The following ADD3 variants were observed in gnomAD, a reference collection of about 807,000 sequenced individuals.
ADD3 encodes gamma-adducin.
In ADD3, 25 loss-of-function variants were observed where a neutral mutation model predicts 80.2. The observed-to-expected ratio is 0.31, with a 90% CI of 0.23 to 0.44. ADD3 has a LOEUF of 0.44. Among genes scored for constraint, ADD3 ranks in the 20% least tolerant of loss-of-function variants. ADD3 has a pLI of 1.00. For synonymous variants in ADD3, 284 were observed against 289.6 expected (o/e 0.98, Z 0.20); for missense variants, 829 against 847.5 (o/e 0.98, Z 0.27).
intron 1 of ADD3, among the ~76,000 whole-genome samples, chr10:110,041,067 G>A (rs930211336): frequency 2.6e-5 from 4 of 151,054 alleles, no homozygotes; most frequent in Non-Finnish European, 4.4e-5. Flanking sequence ...TATCTCCCTC[G>A]CTGTCTCTCT....
intron 12 of ADD3, among the ~76,000 whole-genome samples, chr10:110,129,069 C>T (rs1306405254): frequency 2.6e-5 from 4 of 151,816 alleles, no homozygotes; most frequent in East Asian, 3.9e-4. Flanking sequence ...CTCCAGTCTC[C>T]TGCCAGTTTC....
intron 1 of ADD3, among the ~76,000 whole-genome samples, chr10:110,022,383 C>A (rs1201373789): frequency 6.6e-6 from 1 of 151,910 alleles, no homozygotes; most frequent in Non-Finnish European, 1.5e-5. Context: ...AAAAACAGAA[C>A]CATCAAAGAG....
chr10:110,055,988 C>T (rs972496081), intron 1 of ADD3, among the ~76,000 whole-genome samples: 6 of 152,158 alleles, frequency 3.9e-5, no homozygotes, highest in Non-Finnish European at 7.4e-5. Context: ...ATCTTTTGGC[C>T]TAGCTAAATG....
chr10:109,998,251 G>A (rs974881522), intron 1 of ADD3, among the ~76,000 whole-genome samples: 3 of 152,114 alleles, frequency 2.0e-5, no homozygotes. Flanking sequence ...CTCAGGTAAT[G>A]GTACTACCAT....
chr10:110,076,386 T>C lies in ADD3; in HGVS notation c.-29-24239T>C, dbSNP rs573917552. Among the ~76,000 whole-genome samples the C allele has an allele frequency of 1.8e-4, 28 of 152,346 alleles. No individual in the cohort carries two copies. The South Asian group carries it at 5.6e-3, about 30-fold the overall frequency. Reference sequence around the variant, plus strand: ...AAATTATTGAAAAAGTGGGTGAGTATAAAATTTTTTAAAGTATGGTATGCA... The same window carrying C: ...AAATTATTGAAAAAGTGGGTGAGTACAAAATTTTTTAAAGTATGGTATGCA... On this transcript the variant is annotated intron_variant, in intron 1 of 14. Transcript: ENST00000356080.
At chr10:110,040,386 T>C (rs1856157550) in intron 1 of ADD3, among the ~76,000 whole-genome samples, 1 of 152,170 alleles carries the variant, frequency 6.6e-6, no homozygotes, top group Non-Finnish European at 1.5e-5. Context: ...ATTGAACAGA[T>C]TGACACTGGC....
In ADD3 at chr10:110,116,243, T is replaced by G; in HGVS notation, c.335-16T>G. The G allele has an allele frequency of 6.2e-7, 1 of 1,612,308 alleles. No homozygotes were observed. Among genetic ancestry groups the G allele is most frequent in the South Asian group, 1.1e-5 (1 of 90,796 alleles). On this transcript the variant is annotated splice_polypyrimidine_tract_variant and intron_variant, in intron 3 of 14. Coordinates refer to ENST00000356080, the MANE Select transcript of ADD3 (RefSeq NM_016824.5). ...TGCATGACTCGTATCTCTCTCCACA[T>G]TTTTTGCTCTTTTAGGTCTTGGCAT...
At chr10:110,005,206 C>T (rs183976985), upstream of ADD3, among the ~76,000 whole-genome samples, 3 of 151,944 alleles carry the variant, frequency 2.0e-5, no homozygotes, top group Non-Finnish European at 2.9e-5. Context: ...GGATTACAGG[C>T]GCCTGCCACC....
In ADD3 at chr10:110,106,203, A is replaced by G. The variant is rs368308574; in HGVS notation, c.195+5355A>G. Reference sequence around the variant, plus strand: ...CTAGTAATTTTGAGGTAAAACATCCAGATGTGGATATTTAAAATTCATCTC... The same window carrying G: ...CTAGTAATTTTGAGGTAAAACATCCGGATGTGGATATTTAAAATTCATCTC... On this transcript the variant is annotated intron_variant, in intron 2 of 14. Coordinates refer to ENST00000356080, the MANE Select transcript of ADD3 (RefSeq NM_016824.5). 4.6e-5 allele frequency: 7 copies of G among 151,556 alleles called. No individual in the cohort carries two copies. In the East Asian group the frequency reaches 1.2e-3, roughly 25 times the overall value. The allele number at this position is 151,556 out of a possible 1,614,324, so 9.4% of individuals were successfully genotyped here. A position where few individuals can be genotyped will look rare whatever the true frequency, so the allele number is the denominator to read the frequency against.
intron 1 of ADD3, among the ~76,000 whole-genome samples, chr10:110,078,743 CAG>C (rs1845670966): frequency 6.6e-6 from 1 of 152,118 alleles, no homozygotes; most frequent in Admixed American, 6.5e-5. Flanking sequence ...TCTTACAACA[CAG>C]AAAATGCTAT....
chr10:110,098,979 G>T (rs1324355206), intron 1 of ADD3, among the ~76,000 whole-genome samples: 1 of 151,666 alleles, frequency 6.6e-6, no homozygotes, highest in Admixed American at 6.7e-5. Context: ...GAATGCAGTG[G>T]TGTGATCATG....
rs778072099 is a variant in ADD3 at position 110,123,822 on chromosome 10, C to G, written c.1144-195C>G. ...ATTGCAATATCAGCTGTTATCAGCTCTAACTAGGTCTTGAAATTTGCATAA... is the reference window on the plus strand; with the variant it reads ...ATTGCAATATCAGCTGTTATCAGCTGTAACTAGGTCTTGAAATTTGCATAA... On this transcript the variant is annotated intron_variant, in intron 9 of 14. Coordinates refer to ENST00000356080, the MANE Select transcript of ADD3 (RefSeq NM_016824.5). 1.5e-5 allele frequency: 9 copies of G among 582,582 alleles called. No individual in the cohort carries two copies. The African/African-American group carries it at 1.7e-4, about 11-fold the overall frequency. 36.1% of individuals were successfully genotyped at this position (582,582 alleles called of 1,614,324 possible).
chr10:110,009,006 G>A (rs1328496375), intron 1 of ADD3, among the ~76,000 whole-genome samples: 2 of 152,156 alleles, frequency 1.3e-5, no homozygotes, highest in African/African-American at 4.8e-5. Flanking sequence ...GCTTAGGCAA[G>A]ACCACAGACA....
intron 1 of ADD3, among the ~76,000 whole-genome samples, chr10:110,034,274 G>A (rs973324197): frequency 2.6e-5 from 4 of 151,902 alleles, no homozygotes; most frequent in Admixed American, 2.6e-4. Flanking sequence ...TATTCATAAG[G>A]TCATTTTACA....
intron 1 of ADD3, among the ~76,000 whole-genome samples, chr10:110,053,567 A>G (rs1251413428): frequency 6.6e-6 from 1 of 152,122 alleles, no homozygotes; most frequent in African/African-American, 2.4e-5. Context: ...TACTTGTGTT[A>G]TAAATTTGTT....
At chr10:110,012,909 G>A (rs981920873) in intron 1 of ADD3, among the ~76,000 whole-genome samples, 7 of 151,992 alleles carry the variant, frequency 4.6e-5, no homozygotes, top group African/African-American at 1.7e-4. Context: ...ATATCTTTAA[G>A]GTAAGGTTAG....
At chr10:110,007,279 GC>G (rs779496510), upstream of ADD3, among the ~76,000 whole-genome samples, 1 of 152,182 alleles carries the variant, frequency 6.6e-6, no homozygotes, top group Non-Finnish European at 1.5e-5. Context: ...AGAAGCGAGA[GC>G]CCCTGTCCTC....
intron 1 of ADD3, among the ~76,000 whole-genome samples, chr10:110,091,605 C>T (rs1452122763): frequency 1.3e-5 from 2 of 152,092 alleles, no homozygotes; most frequent in Non-Finnish European, 2.9e-5. Flanking sequence ...GAAACTGGAC[C>T]TTTTCCTTTC....
intron 12 of ADD3, among the ~76,000 whole-genome samples, chr10:110,130,047 G>GT (rs528664203): frequency 8.6e-5 from 13 of 151,720 alleles, no homozygotes; most frequent in Non-Finnish European, 1.3e-4. Flanking sequence ...AGCAATTCTT[G>GT]TTTTTTTCAA....
Sources: gnomAD v4.1 joint callset for allele counts (sites outside exome capture counted in the v4.1 genomes callset) on GRCh38, gnomAD v4.1.1 for gene constraint, MANE v1.5 for transcripts, NCBI Gene and HGNC (gene_info 2026-07-23, HGNC 2026-07-21) for gene names.